Variants in GRIK2 observed in about 807,000 individuals in gnomAD.
The protein encoded by GRIK2 is glutamate receptor ionotropic, kainate 2.
Under a neutral mutation model 100.3 loss-of-function variants are expected in GRIK2, and 32 were observed. That is an observed-to-expected ratio of 0.32 (90% CI 0.24 to 0.43). The LOEUF (loss-of-function observed/expected upper bound fraction) is 0.43, where lower values mean the gene tolerates loss of function less well. Ranked by LOEUF, GRIK2 falls within the 20% of genes least tolerant of loss-of-function variation. The probability of loss-of-function intolerance (pLI) is 1.00; values close to 1 mark genes in which losing one functional copy is unlikely to be tolerated. For missense variants in GRIK2, 843 were observed against 1,114.9 expected (o/e 0.76, Z 3.47); for synonymous variants, 417 against 389.4 (o/e 1.07, Z -0.83).
chr6:101,463,995 A>G (rs1028843237), intron 2 of GRIK2, among the ~76,000 whole-genome samples: 13 of 152,168 alleles, frequency 8.5e-5, no homozygotes, highest in Non-Finnish European at 1.9e-4. Flanking sequence ...CCTTCAATGC[A>G]TAGTGTGACT....
intron 2 of GRIK2, among the ~76,000 whole-genome samples, chr6:101,506,803 G>A (rs1774047127): frequency 6.6e-6 from 1 of 152,112 alleles, no homozygotes; most frequent in Non-Finnish European, 1.5e-5. Flanking sequence ...GGGAAAGTTT[G>A]CAGAAATGAG....
At chr6:101,975,797 ATCTATCTATCTG>A (rs1562081454) in intron 14 of GRIK2, among the ~76,000 whole-genome samples, 46 of 118,718 alleles carry the variant, frequency 3.9e-4, no homozygotes, top group African/African-American at 1.5e-3. Flanking sequence ...CTGTCTGTCT[ATCTATCTATCTG>A]TCTATCTATC....
At chr6:101,833,221 G>A (rs1048695314) in intron 10 of GRIK2, among the ~76,000 whole-genome samples, 1 of 151,766 alleles carries the variant, frequency 6.6e-6, no homozygotes, top group African/African-American at 2.4e-5. Context: ...GTTTTTCGTT[G>A]TTGTTGTTTG....
chr6:101,557,808 A>G (rs1776818644), intron 2 of GRIK2, among the ~76,000 whole-genome samples: 1 of 152,112 alleles, frequency 6.6e-6, no homozygotes, highest in Admixed American at 6.6e-5. Context: ...TTTAGCACCA[A>G]TGCCTTCTTT....
chr6:101,801,246 C>T (rs185976269), intron 8 of GRIK2, among the ~76,000 whole-genome samples: 2 of 152,014 alleles, frequency 1.3e-5, no homozygotes, highest in African/African-American at 2.4e-5. Flanking sequence ...ATACTATTGT[C>T]CATTTTGGTT....
intron 2 of GRIK2, among the ~76,000 whole-genome samples, chr6:101,594,884 CT>C (rs913099283): frequency 4.0e-5 from 6 of 150,968 alleles, no homozygotes; most frequent in Non-Finnish European, 7.4e-5. Context: ...GTTTTTTTCT[CT>C]TTTTTTTCTT....
intron 7 of GRIK2, among the ~76,000 whole-genome samples, chr6:101,759,810 G>A (rs187609330): frequency 0.02 from 3,008 of 151,290 alleles, 112 homozygotes; most frequent in African/African-American, 0.07. Flanking sequence ...ATAAAAAAAG[G>A]TTTCTTTAAT....
intron 7 of GRIK2, among the ~76,000 whole-genome samples, chr6:101,695,608 G>A (rs922608861): frequency 2.6e-5 from 4 of 151,914 alleles, no homozygotes; most frequent in Non-Finnish European, 2.9e-5. Context: ...AGTATTAATA[G>A]GATAAGCATT....
At chr6:101,443,929 G>C (rs563203561) in intron 2 of GRIK2, among the ~76,000 whole-genome samples, 1 of 148,160 alleles carries the variant, frequency 6.7e-6, no homozygotes, top group South Asian at 2.2e-4. Context: ...CTGTCTTCTC[G>C]GCTGGAGTGT....
intron 7 of GRIK2, among the ~76,000 whole-genome samples, chr6:101,760,640 T>TTA (rs1777545046): frequency 8.3e-6 from 1 of 119,978 alleles, no homozygotes; most frequent in Non-Finnish European, 1.6e-5. Flanking sequence ...TTATATATAA[T>TTA]TATATATAAT....
chr6:101,793,590 C>G (rs1012346685), intron 7 of GRIK2, among the ~76,000 whole-genome samples: 1 of 152,024 alleles, frequency 6.6e-6, no homozygotes, highest in Non-Finnish European at 1.5e-5. Context: ...AGGAGTATCT[C>G]GCCATGTGAG....
intron 7 of GRIK2, among the ~76,000 whole-genome samples, chr6:101,780,263 C>T (rs897434387): frequency 2.6e-5 from 4 of 152,132 alleles, no homozygotes; most frequent in Non-Finnish European, 5.9e-5. Flanking sequence ...GTGAGATCTT[C>T]TCCCACTAGT....
chr6:101,994,024 A>G (rs957001237), intron 14 of GRIK2, among the ~76,000 whole-genome samples: 1 of 147,724 alleles, frequency 6.8e-6, no homozygotes, highest in East Asian at 2.0e-4. Flanking sequence ...ATATAAATAT[A>G]TACATTATAT....
intron 2 of GRIK2, among the ~76,000 whole-genome samples, chr6:101,556,583 A>C (rs1776762949): frequency 6.6e-6 from 1 of 151,982 alleles, no homozygotes; most frequent in South Asian, 2.1e-4. Context: ...GAACTATAAG[A>C]AGTTATTATT....
chr6:101,527,324 A>G (rs1019910983), intron 2 of GRIK2, among the ~76,000 whole-genome samples: 2 of 152,116 alleles, frequency 1.3e-5, no homozygotes, highest in African/African-American at 2.4e-5. Context: ...CCACCAATCA[A>G]TTTTCAGATT....
At chr6:101,906,920 A>C (rs562733497) in intron 12 of GRIK2, among the ~76,000 whole-genome samples, 4 of 151,868 alleles carry the variant, frequency 2.6e-5, no homozygotes, top group African/African-American at 9.6e-5. Context: ...CAAACTTATC[A>C]CTTGTTGCAC....
Position 101,686,240 on chromosome 6 carries a change from A to C in GRIK2, c.838A>C (p.Arg280=), listed in dbSNP as rs141469398. 2.5e-6 allele frequency: 4 copies of C among 1,612,794 alleles called. No individual in the cohort carries two copies. Among genetic ancestry groups the C allele is most frequent in the Non-Finnish European group, 2.5e-6 (3 of 1,178,898 alleles). ...CAGTGGTGTTAACATGACAGGGTTC[A>C]GAATATTAAATACAGAAAATACCCA... ...RYSGVNMTGF[R]ILNTENTQVS... Residue 280 remains arginine (R), a synonymous_variant, in exon 7 of 17, where the codon AGA becomes CGA. Coordinates refer to ENST00000369134, the MANE Select transcript of GRIK2 (RefSeq NM_021956.5).
In GRIK2 at chr6:101,904,755, T is replaced by C. The variant is rs183565465; in HGVS notation, c.1748+14892T>C. Among the ~76,000 whole-genome samples, 313 of 151,668 alleles carry C rather than the reference T, an allele frequency of 2.1e-3. 1 individual carries two copies. Among genetic ancestry groups the C allele is most frequent in the African/African-American group, 6.9e-3 (285 of 41,498 alleles). ...CAATTTTGTTAGTATTATTACCTTC[T>C]GTGGTAAAGGAGAAAGTATGTTAGA... On this transcript the variant is annotated intron_variant, in intron 12 of 16. Coordinates refer to ENST00000369134, the MANE Select transcript of GRIK2 (RefSeq NM_021956.5).
intron 2 of GRIK2, among the ~76,000 whole-genome samples, chr6:101,564,482 G>A (rs1227156336): frequency 6.6e-6 from 1 of 152,134 alleles, no homozygotes; most frequent in Non-Finnish European, 1.5e-5. Context: ...AGAGCCAGAT[G>A]CCCAACCTGA....
Sources: allele counts gnomAD v4.1 joint callset (sites outside exome capture counted in the v4.1 genomes callset), GRCh38; gene constraint gnomAD v4.1.1; transcripts MANE v1.5; gene names NCBI Gene and HGNC (gene_info 2026-07-23, HGNC 2026-07-21).